The following ST3GAL3 variants were observed in gnomAD, a reference collection of about 807,000 sequenced individuals.
ST3GAL3 encodes ST3 beta-galactoside alpha-2,3-sialyltransferase 3, also known as CMP-N-acetylneuraminate-beta-1,4-galactoside alpha-2,3-sialyltransferase.
In ST3GAL3, 21 loss-of-function variants were observed where a neutral mutation model predicts 50.1. The observed-to-expected ratio is 0.42, with a 90% confidence interval of 0.30 to 0.60. ST3GAL3 has a LOEUF of 0.60. ST3GAL3 is among the 20% of genes least tolerant of loss of function. ST3GAL3 has a pLI of 0.19. For missense variants in ST3GAL3, 353 were observed against 489.4 expected, an observed-to-expected ratio of 0.72 and a Z score of 2.63; for synonymous variants, 183 against 190.0, an observed-to-expected ratio of 0.96 and a Z score of 0.30.
chr1:43,872,296 G>A (rs1232609329), intron 5 of ST3GAL3, among the ~76,000 whole-genome samples: 1 of 132,066 alleles, frequency 7.6e-6, no homozygotes, highest in Non-Finnish European at 1.6e-5. Context: ...CGGAGGAGAG[G>A]GTGTGTTGGG....
intron 2 of ST3GAL3, among the ~76,000 whole-genome samples, chr1:43,774,644 A>G (rs1696509328): frequency 1.3e-5 from 2 of 152,236 alleles, no homozygotes; most frequent in Admixed American, 6.5e-5. Context: ...ACAGATTTGT[A>G]AAAGTCTGTT....
intron 2 of ST3GAL3, among the ~76,000 whole-genome samples, chr1:43,765,795 G>GCA (rs1558203816): frequency 6.8e-6 from 1 of 146,604 alleles, no homozygotes; most frequent in Non-Finnish European, 1.5e-5. Flanking sequence ...GCGCGCGCGC[G>GCA]CGCGCGTCCG....
intron 5 of ST3GAL3, chr1:43,851,385 C>T: frequency 6.2e-7 from 1 of 1,605,208 alleles, no homozygotes; most frequent in African/African-American, 1.3e-5. Flanking sequence ...GGAGCCTGAG[C>T]AAGGCTGGAC....
intron 5 of ST3GAL3, among the ~76,000 whole-genome samples, chr1:43,890,039 C>T (rs1026369388): frequency 2.0e-5 from 3 of 152,076 alleles, no homozygotes; most frequent in African/African-American, 7.2e-5. Context: ...ATGCTTGAGC[C>T]CAAGAGTTTG....
intron 9 of ST3GAL3, among the ~76,000 whole-genome samples, chr1:43,901,394 G>C (rs1225144943): frequency 6.6e-6 from 1 of 152,220 alleles, no homozygotes; most frequent in Admixed American, 6.5e-5. Flanking sequence ...GGACAGACTG[G>C]GAAAAGCCAG....
chr1:43,759,061 G>GCACACA (rs1371102406), intron 2 of ST3GAL3, among the ~76,000 whole-genome samples: 4 of 76,522 alleles, frequency 5.2e-5, no homozygotes, highest in African/African-American at 3.5e-4. Flanking sequence ...AAACAAAAGC[G>GCACACA]CGCGCACACA....
At chr1:43,727,089 G>A (rs1378936597) in intron 1 of ST3GAL3, 1 of 152,102 alleles carries the variant, frequency 6.6e-6, no homozygotes, top group African/African-American at 2.4e-5. Context: ...ATTATAATCT[G>A]TTATTATCAG....
At position 43,920,933 on chromosome 1, in the gene ST3GAL3, G is replaced by A. The variant is rs777519333; in HGVS notation, c.1038+5G>A. 9 of 1,605,914 alleles carry A rather than the reference G, an allele frequency of 5.6e-6. No individual in the cohort carries two copies. Among genetic ancestry groups the A allele is most frequent in the South Asian group, 5.5e-5 (5 of 90,124 alleles). Reference sequence around the variant, plus strand: ...CGCATGGCAGCCATCAAAGAGGTTCGGGGCTGGGTATGGGGGCAATCCCTG... The same window carrying A: ...CGCATGGCAGCCATCAAAGAGGTTCAGGGCTGGGTATGGGGGCAATCCCTG... On this transcript the variant is annotated splice_donor_5th_base_variant and intron_variant, in intron 11 of 11. Coordinates refer to ENST00000347631, the MANE Select transcript of ST3GAL3 (RefSeq NM_006279.5).
At chr1:43,910,224 A>G (rs2080564405) in intron 9 of ST3GAL3, among the ~76,000 whole-genome samples, 1 of 152,192 alleles carries the variant, frequency 6.6e-6, no homozygotes, top group South Asian at 2.1e-4. Flanking sequence ...TCACTACATG[A>G]TGGAGTATAA....
chr1:43,781,874 C>CA (rs1222371425), intron 2 of ST3GAL3, among the ~76,000 whole-genome samples: 2 of 152,154 alleles, frequency 1.3e-5, no homozygotes, highest in East Asian at 3.9e-4. Flanking sequence ...CTTACTCTCC[C>CA]ATCCCTATAC....
intron 2 of ST3GAL3, among the ~76,000 whole-genome samples, chr1:43,782,395 C>G (rs1455647548): frequency 6.6e-6 from 1 of 152,194 alleles, no homozygotes; most frequent in Non-Finnish European, 1.5e-5. Context: ...GTCTTACACA[C>G]TGCCGCTAGA....
chr1:43,766,277 A>G (rs1327650449), intron 2 of ST3GAL3, among the ~76,000 whole-genome samples: 1 of 152,144 alleles, frequency 6.6e-6, no homozygotes, highest in Non-Finnish European at 1.5e-5. Flanking sequence ...TATTCCAGGC[A>G]GTGTGGGGCA....
At chr1:43,728,754 A>G (rs1156394875) in intron 1 of ST3GAL3, among the ~76,000 whole-genome samples, 1 of 152,162 alleles carries the variant, frequency 6.6e-6, no homozygotes, top group Admixed American at 6.5e-5. Context: ...AAAAAAAATT[A>G]TATGTGTGTA....
intron 9 of ST3GAL3, among the ~76,000 whole-genome samples, chr1:43,904,289 T>C (rs1313375094): frequency 6.6e-6 from 1 of 152,112 alleles, no homozygotes; most frequent in Admixed American, 6.5e-5. Flanking sequence ...CACCTTCACC[T>C]GTTCCCTGTT....
chr1:43,736,250 A>G lies in ST3GAL3; in HGVS notation c.-13A>G. Reference sequence around the variant, plus strand: ...TTTTCTAGGTCATTTAGGAAATCGTAAATCATGTGAAGATGGGACTCTTGG... The same window carrying G: ...TTTTCTAGGTCATTTAGGAAATCGTGAATCATGTGAAGATGGGACTCTTGG... On this transcript the variant is annotated 5_prime_UTR_variant, in exon 2 of 12. Transcript: ENST00000347631. The G allele has an allele frequency of 6.2e-7, 1 of 1,614,202 alleles. No homozygotes were observed.
At chr1:43,849,514 A>C (rs1478089321) in intron 5 of ST3GAL3, among the ~76,000 whole-genome samples, 1 of 152,216 alleles carries the variant, frequency 6.6e-6, no homozygotes, top group Non-Finnish European at 1.5e-5. Flanking sequence ...AGTGGTTAAA[A>C]ATTTGATTGT....
chr1:43,769,721 T>C (rs934464287), intron 2 of ST3GAL3, among the ~76,000 whole-genome samples: 3 of 152,192 alleles, frequency 2.0e-5, no homozygotes, highest in African/African-American at 7.2e-5. Context: ...CTGTAATTAG[T>C]CATCCGGGAA....
At chr1:43,881,023 T>A (rs1458595201) in intron 5 of ST3GAL3, among the ~76,000 whole-genome samples, 1 of 151,956 alleles carries the variant, frequency 6.6e-6, no homozygotes, top group Non-Finnish European at 1.5e-5. Context: ...TTTTTTTTTT[T>A]CCTTTGAGAC....
At chr1:43,869,451 T>C (rs2154244265) in intron 5 of ST3GAL3, among the ~76,000 whole-genome samples, 1 of 152,306 alleles carries the variant, frequency 6.6e-6, no homozygotes, top group South Asian at 2.1e-4. Context: ...CTTACGACTT[T>C]TCCCCTTTTG....
Sources: gnomAD v4.1 joint callset for allele counts (sites outside exome capture counted in the v4.1 genomes callset) on GRCh38, gnomAD v4.1.1 for gene constraint, MANE v1.5 for transcripts, NCBI Gene and HGNC (gene_info 2026-07-23, HGNC 2026-07-21) for gene names.